WDFY3: variants seen among roughly 807,000 people sequenced by gnomAD.
WDFY3 encodes the protein WD repeat and FYVE domain-containing protein 3.
In WDFY3, 66 loss-of-function variants were observed where a neutral mutation model predicts 409.6. The observed-to-expected ratio is 0.16, with a 90% CI of 0.13 to 0.20. WDFY3 has a LOEUF of 0.20. Among genes scored for constraint, WDFY3 ranks in the 10% least tolerant of loss-of-function variants. The probability of loss-of-function intolerance (pLI) is 1.00; values close to 1 mark genes in which losing one functional copy is unlikely to be tolerated. For missense variants in WDFY3, 3,031 were observed against 4,298.1 expected, an observed-to-expected ratio of 0.71 and a Z score of 8.24; for synonymous variants, 1,521 against 1,537.1, an observed-to-expected ratio of 0.99 and a Z score of 0.25.
chr4:84,800,170 C>T (rs955015032), intron 17 of WDFY3, among the ~76,000 whole-genome samples: 1 of 152,174 alleles, frequency 6.6e-6, no homozygotes, highest in Non-Finnish European at 1.5e-5. Flanking sequence ...TGATACAACA[C>T]CATTTAACAA....
chr4:84,711,568 A>G (rs2149003893), intron 51 of WDFY3, among the ~76,000 whole-genome samples: 1 of 152,250 alleles, frequency 6.6e-6, no homozygotes, highest in South Asian at 2.1e-4. Flanking sequence ...AAATTAATAT[A>G]CAGGCCAGGC....
rs74785889 is a variant in WDFY3 at position 84,816,467 on chromosome 4, T to C, written c.1887+925A>G. On this transcript the variant is annotated intron_variant, in intron 13 of 67. Transcript: ENST00000295888. Reference sequence around the variant, plus strand: ...TTTACAGTATGTAAAGCAGGGACACTAATAGTATTTATTTTTATCATAAGG... The same window carrying C: ...TTTACAGTATGTAAAGCAGGGACACCAATAGTATTTATTTTTATCATAAGG... 8.4e-3 allele frequency among the ~76,000 whole-genome samples: 1,276 copies of C among 152,242 alleles called. 23 individuals carry two copies. The highest frequency in any genetic ancestry group is 0.029 in the African/African-American group (1,205 of 41,548).
intron 33 of WDFY3, 139 bp from the exon 34 acceptor site, chr4:84,755,539 A>C: frequency 1.1e-6 from 1 of 908,346 alleles, no homozygotes; most frequent in Non-Finnish European, 1.6e-6. Context: ...GACATAAAGA[A>C]CTAGTACCCT....
At chr4:84,936,754 T>A (rs1000742276) in intron 1 of WDFY3, among the ~76,000 whole-genome samples, 2 of 151,694 alleles carry the variant, frequency 1.3e-5, no homozygotes, top group African/African-American at 4.8e-5. Context: ...AAAAAAAAAT[T>A]CAAAAGCCAC....
At chr4:84,695,919 T>C (rs1730066388) in intron 58 of WDFY3, 51 bp downstream of exon 58, 1 of 1,522,644 alleles carries the variant, frequency 6.6e-7, no homozygotes, top group Non-Finnish European at 9.0e-7. Flanking sequence ...TCTAGAGAAA[T>C]GTTACAAAAT....
At chr4:84,778,241 A>T (rs1158841772) in intron 27 of WDFY3, among the ~76,000 whole-genome samples, 1 of 152,178 alleles carries the variant, frequency 6.6e-6, no homozygotes, top group Non-Finnish European at 1.5e-5. Context: ...GACTCATGTA[A>T]TGCCACTGCC....
At chr4:84,934,421 T>C (rs936992919) in intron 1 of WDFY3, among the ~76,000 whole-genome samples, 1 of 152,190 alleles carries the variant, frequency 6.6e-6, no homozygotes, top group Non-Finnish European at 1.5e-5. Context: ...TTCTAAGAAA[T>C]ATCCTGAATT....
At chr4:84,847,666 C>T (rs1758273675) in intron 5 of WDFY3, among the ~76,000 whole-genome samples, 1 of 144,038 alleles carries the variant, frequency 6.9e-6, no homozygotes, top group Non-Finnish European at 1.5e-5. Context: ...CCCAGCTACC[C>T]AGGAGGCTGA....
chr4:84,696,662 G>A (rs1191292991), intron 57 of WDFY3, 70 bp downstream of exon 57: 2 of 1,474,562 alleles, frequency 1.4e-6, no homozygotes, highest in Non-Finnish European at 1.9e-6. Flanking sequence ...CTGGCTAGAG[G>A]CCCTGTCTTT....
At position 84,783,094 on chromosome 4, in the gene WDFY3, A is replaced by T; in HGVS notation, c.4063-20T>A. ...GCCTAACTGAAAAATAGGAAAGGAA[A>T]AGAATGTAATTATATAAGAACAGTT... On this transcript the variant is annotated intron_variant, in intron 24 of 67. Coordinates refer to ENST00000295888, the MANE Select transcript of WDFY3 (RefSeq NM_014991.6). The T allele has an allele frequency of 6.3e-7, 1 of 1,598,004 alleles. No individual in the cohort carries two copies. The highest frequency in any genetic ancestry group is 8.6e-7 in the Non-Finnish European group (1 of 1,166,202).
At chr4:84,882,553 A>G (rs1410998451) in intron 3 of WDFY3, among the ~76,000 whole-genome samples, 1 of 152,020 alleles carries the variant, frequency 6.6e-6, no homozygotes, top group Non-Finnish European at 1.5e-5. Context: ...TCTGCTCTTT[A>G]TGTATTTTTT....
intron 38 of WDFY3, among the ~76,000 whole-genome samples, chr4:84,741,075 A>T (rs544331391): frequency 4.6e-5 from 7 of 152,236 alleles, no homozygotes; most frequent in Non-Finnish European, 1.0e-4. Flanking sequence ...ATAAACTACA[A>T]GGAACTTTGT....
At chr4:84,958,554 C>T (rs1774526863) in intron 1 of WDFY3, among the ~76,000 whole-genome samples, 1 of 152,066 alleles carries the variant, frequency 6.6e-6, no homozygotes, top group Admixed American at 6.6e-5. Context: ...GAGGGACAAC[C>T]TAAGTACTAT....
intron 2 of WDFY3, among the ~76,000 whole-genome samples, chr4:84,917,375 G>A (rs1168362745): frequency 2.6e-5 from 4 of 152,034 alleles, no homozygotes; most frequent in South Asian, 2.1e-4. Context: ...AACTGAAAAC[G>A]TATAATCTAA....
chr4:84,844,823 A>G (rs866371534), intron 5 of WDFY3, among the ~76,000 whole-genome samples: 13 of 152,316 alleles, frequency 8.5e-5, no homozygotes, highest in Admixed American at 3.9e-4. Flanking sequence ...CTTAAGATAC[A>G]CCCTCTATAC....
chr4:84,853,428 C>T (rs1458709742), intron 4 of WDFY3, among the ~76,000 whole-genome samples: 2 of 152,218 alleles, frequency 1.3e-5, no homozygotes. Flanking sequence ...CTCATCTCGG[C>T]CTCCCAAAGT....
intron 36 of WDFY3, among the ~76,000 whole-genome samples, chr4:84,745,294 C>T (rs187242572): frequency 3.5e-4 from 54 of 152,200 alleles, no homozygotes; most frequent in African/African-American, 1.3e-3. Context: ...GTCATAACTT[C>T]CTTTCTTAAA....
Position 84,690,493 on chromosome 4 carries a change from T to C in WDFY3, c.9363+13A>G, listed in dbSNP as rs2148848097. ...ACTATGTCCTTCTTGGCATTTTCTA[T>C]GTTCTCTCTTACCTGTTTGAGGGTG... On this transcript the variant is annotated intron_variant, in intron 61 of 67. Transcript: ENST00000295888. 2 of 1,614,160 alleles carry C rather than the reference T, an allele frequency of 1.2e-6. No individual in the cohort carries two copies. Among genetic ancestry groups the C allele is most frequent in the East Asian group, 2.2e-5 (1 of 44,880 alleles).
chr4:84,763,477 C>T (rs994177917), intron 32 of WDFY3, among the ~76,000 whole-genome samples: 2 of 151,898 alleles, frequency 1.3e-5, no homozygotes, highest in Non-Finnish European at 2.9e-5. Flanking sequence ...CAGCAAACCA[C>T]CATGGCACAT....
Sources: gnomAD v4.1 joint callset for allele counts (sites outside exome capture counted in the v4.1 genomes callset) on GRCh38, gnomAD v4.1.1 for gene constraint, MANE v1.5 for transcripts, NCBI Gene and HGNC (gene_info 2026-07-23, HGNC 2026-07-21) for gene names.